The following DDAH1 variants were observed in gnomAD, a reference collection of about 807,000 sequenced individuals.
The protein encoded by DDAH1 is N(G),N(G)-dimethylarginine dimethylaminohydrolase 1.
DDAH1 carries 19 observed loss-of-function variants against 28.8 expected under a neutral mutation model. That is an observed-to-expected ratio of 0.66 (90% CI 0.46 to 0.97). DDAH1 has a LOEUF of 0.97. Ranked by LOEUF, DDAH1 falls within the 50% of genes least tolerant of loss-of-function variation. The pLI is 0.00. For missense variants in DDAH1, 326 were observed against 375.9 expected, an observed-to-expected ratio of 0.87 and a Z score of 1.10; for synonymous variants, 153 against 154.4, an observed-to-expected ratio of 0.99 and a Z score of 0.07.
At position 85,464,644 on chromosome 1, in the gene DDAH1, C is replaced by A; in HGVS notation, c.303+99G>T. 1.3e-6 allele frequency: 2 copies of A among 1,486,020 alleles called. No individual in the cohort carries two copies. Among genetic ancestry groups the A allele is most frequent in the South Asian group, 1.3e-5 (1 of 77,562 alleles). 92.1% of individuals were successfully genotyped at this position (1,486,020 alleles called of 1,614,324 possible). On this transcript the variant is annotated intron_variant, in intron 1 of 5. Transcript: ENST00000284031. The surrounding 1 kb of genome is among the most constrained non-coding windows in gnomAD (Gnocchi z 4.4). ...CCGACGGGAAGTTGTGAACTACTAG[C>A]CCGAGGGCCAATGGCGCGACTCCCC...
intron 1 of DDAH1, among the ~76,000 whole-genome samples, chr1:85,400,449 C>G (rs1030012109): frequency 2.0e-5 from 3 of 151,968 alleles, no homozygotes; most frequent in Admixed American, 2.0e-4. Flanking sequence ...GGTGATCTGC[C>G]TACCTGGGCT....
chr1:85,393,956 G>A (rs1651683767), intron 1 of DDAH1, among the ~76,000 whole-genome samples: 1 of 152,142 alleles, frequency 6.6e-6, no homozygotes, highest in South Asian at 2.1e-4. Flanking sequence ...ATCTGCTTCT[G>A]GCTGTGTGTC....
intron 1 of DDAH1, among the ~76,000 whole-genome samples, chr1:85,402,499 G>A (rs1027092049): frequency 6.6e-6 from 1 of 151,990 alleles, no homozygotes; most frequent in Admixed American, 6.6e-5. Flanking sequence ...TCTCAGATTT[G>A]ATATTTTCTT....
At chr1:85,424,946 A>G (rs942496176) in intron 1 of DDAH1, among the ~76,000 whole-genome samples, 3 of 152,134 alleles carry the variant, frequency 2.0e-5, no homozygotes, top group African/African-American at 7.2e-5. Context: ...GAGAATGATC[A>G]CAGTCATCCA....
chr1:85,365,951 T>C (rs1282321823), intron 1 of DDAH1, among the ~76,000 whole-genome samples: 1 of 151,984 alleles, frequency 6.6e-6, no homozygotes, highest in Non-Finnish European at 1.5e-5. Flanking sequence ...CCCTTAAACG[T>C]GGGTTTAAAG....
intron 1 of DDAH1, among the ~76,000 whole-genome samples, chr1:85,512,050 AG>A (rs1358850112): frequency 6.6e-6 from 1 of 152,234 alleles, no homozygotes; most frequent in Non-Finnish European, 1.5e-5. Context: ...CAACAAAAAA[AG>A]AGAATTTTAG....
At chr1:85,521,462 T>C (rs1235958324) in intron 1 of DDAH1, among the ~76,000 whole-genome samples, 10 of 151,910 alleles carry the variant, frequency 6.6e-5, no homozygotes, top group Middle Eastern at 3.4e-3. Context: ...ACTCATGCTG[T>C]CTTTAATGGC....
chr1:85,447,654 T>A (rs1654495778), intron 1 of DDAH1: 2 of 152,202 alleles, frequency 1.3e-5, no homozygotes. Flanking sequence ...AGTCTGAGCC[T>A]GGAGGTAGCT....
At chr1:85,505,328 C>G (rs1656978001) in intron 1 of DDAH1, among the ~76,000 whole-genome samples, 1 of 151,786 alleles carries the variant, frequency 6.6e-6, no homozygotes, top group Non-Finnish European at 1.5e-5. Context: ...TAGGCCACAC[C>G]TAACAAAAAA....
chr1:85,450,567 C>T (rs545879131), intron 1 of DDAH1, among the ~76,000 whole-genome samples: 18 of 152,296 alleles, frequency 1.2e-4, no homozygotes, highest in African/African-American at 3.9e-4. Flanking sequence ...TATTACCATA[C>T]GTACAATCCT....
chr1:85,428,828 T>C (rs558569325), intron 1 of DDAH1, among the ~76,000 whole-genome samples: 99 of 151,938 alleles, frequency 6.5e-4, no homozygotes, highest in Non-Finnish European at 1.2e-3. Flanking sequence ...GGATTAAAAT[T>C]TTCTGGTGCA....
intron 1 of DDAH1, among the ~76,000 whole-genome samples, chr1:85,504,960 T>A (rs1656958986): frequency 1.2e-5 from 1 of 85,084 alleles, no homozygotes; most frequent in Non-Finnish European, 2.3e-5. Context: ...CCTCAATGAT[T>A]CTTTTTTTTT....
At chr1:85,534,265 C>G (rs1275895919) in intron 1 of DDAH1, among the ~76,000 whole-genome samples, 1 of 152,140 alleles carries the variant, frequency 6.6e-6, no homozygotes, top group Non-Finnish European at 1.5e-5. Flanking sequence ...CTTGCAAAAA[C>G]TACCCTAAAA....
intron 1 of DDAH1, among the ~76,000 whole-genome samples, chr1:85,388,555 A>C (rs1651391557): frequency 6.6e-6 from 1 of 152,228 alleles, no homozygotes; most frequent in African/African-American, 2.4e-5. Flanking sequence ...CATTTTTCTG[A>C]GTACCATTTC....
chr1:85,404,494 T>A, intron 1 of DDAH1: 1 of 1,509,744 alleles, frequency 6.6e-7, no homozygotes, highest in South Asian at 1.3e-5. Context: ...TGAAGAACAG[T>A]CTGACCCGGA....
At chr1:85,329,396 C>T (rs1404893168) in intron 4 of DDAH1, among the ~76,000 whole-genome samples, 1 of 152,170 alleles carries the variant, frequency 6.6e-6, no homozygotes, top group East Asian at 1.9e-4. Context: ...TCTTCAGTTA[C>T]TGGCATGTAT....
At chr1:85,442,171 C>T (rs539812663) in intron 1 of DDAH1, among the ~76,000 whole-genome samples, 6 of 152,196 alleles carry the variant, frequency 3.9e-5, no homozygotes, top group Non-Finnish European at 8.8e-5. Context: ...AATGCTAACC[C>T]TCCCTCCTCC....
At chr1:85,378,618 A>AGGCT (rs1650807155) in intron 1 of DDAH1, among the ~76,000 whole-genome samples, 1 of 152,200 alleles carries the variant, frequency 6.6e-6, no homozygotes, top group Non-Finnish European at 1.5e-5. Context: ...CATGTTGCCC[A>AGGCT]GGCTGGTCTA....
intron 1 of DDAH1, among the ~76,000 whole-genome samples, chr1:85,533,777 A>G (rs538138784): frequency 2.6e-5 from 4 of 152,310 alleles, no homozygotes; most frequent in Admixed American, 2.0e-4. Flanking sequence ...GAGCTTGCTA[A>G]TAAGACCTAC....
Sources: gnomAD v4.1 joint callset for allele counts (sites outside exome capture counted in the v4.1 genomes callset) on GRCh38, gnomAD v4.1.1 for gene constraint, Gnocchi (gnomAD v3.1) non-coding constraint, MANE v1.5 for transcripts, NCBI Gene and HGNC (gene_info 2026-07-23, HGNC 2026-07-21) for gene names.